Variants in NRG1 observed in about 807,000 individuals in gnomAD.
NRG1 encodes pro-neuregulin-1, membrane-bound isoform.
A neutral mutation model predicts 63.8 loss-of-function variants in NRG1; 18 were observed. The ratio of observed to expected loss-of-function variants is 0.28; its 90% confidence interval spans 0.19 to 0.42. The LOEUF (loss-of-function observed/expected upper bound fraction) is 0.42, where lower values mean the gene tolerates loss of function less well. Among genes scored for constraint, NRG1 ranks in the 10% least tolerant of loss-of-function variants. The probability of loss-of-function intolerance (pLI) is 1.00; values close to 1 mark genes in which losing one functional copy is unlikely to be tolerated. For missense variants in NRG1, 762 were observed against 814.7 expected (o/e 0.94, Z 0.79); for synonymous variants, 302 against 301.3 (o/e 1.00, Z -0.02).
chr8:32,276,562 A>G (rs141588244), intron 1 of NRG1, among the ~76,000 whole-genome samples: 3 of 152,084 alleles, frequency 2.0e-5, no homozygotes, highest in Admixed American at 6.6e-5. Flanking sequence ...CTGGAGTGCA[A>G]TGTCACAATC....
At chr8:32,146,728 T>C (rs550204572) in intron 1 of NRG1, among the ~76,000 whole-genome samples, 1 of 151,646 alleles carries the variant, frequency 6.6e-6, no homozygotes, top group South Asian at 2.1e-4. Flanking sequence ...TAATATTTTC[T>C]TTTTTTTTAA....
At chr8:31,811,205 T>A (rs573989938) in intron 1 of NRG1, among the ~76,000 whole-genome samples, 4 of 152,352 alleles carry the variant, frequency 2.6e-5, no homozygotes, top group Admixed American at 2.6e-4. Context: ...GGTTACTGCC[T>A]CTTGGCTGTG....
intron 1 of NRG1, among the ~76,000 whole-genome samples, chr8:32,573,394 T>G (rs1839007539): frequency 6.6e-6 from 1 of 152,208 alleles, no homozygotes; most frequent in Non-Finnish European, 1.5e-5. Flanking sequence ...CAAAAACAGA[T>G]GGTAGGCAGG....
At chr8:32,403,658 A>G (rs1813542524) in intron 1 of NRG1, among the ~76,000 whole-genome samples, 1 of 152,172 alleles carries the variant, frequency 6.6e-6, no homozygotes. Context: ...TGAGATATAG[A>G]TAGTACCCAC....
At chr8:31,853,330 C>T (rs941716061) in intron 1 of NRG1, among the ~76,000 whole-genome samples, 5 of 151,004 alleles carry the variant, frequency 3.3e-5, no homozygotes, top group African/African-American at 1.2e-4. Context: ...CCTTCACATC[C>T]CTTGTAAGTT....
intron 1 of NRG1, among the ~76,000 whole-genome samples, chr8:32,189,042 T>C (rs1842234693): frequency 6.6e-6 from 1 of 152,128 alleles, no homozygotes; most frequent in South Asian, 2.1e-4. Context: ...CTGGATGGCA[T>C]CTTGATATTA....
At chr8:32,090,623 G>A (rs566337927) in intron 1 of NRG1, among the ~76,000 whole-genome samples, 2 of 152,122 alleles carry the variant, frequency 1.3e-5, no homozygotes, top group Non-Finnish European at 2.9e-5. Flanking sequence ...ACCGGTCCAG[G>A]ACAAGAATAT....
At position 31,863,058 on chromosome 8, in the gene NRG1, A is replaced by G. The variant is rs16878371; in HGVS notation, c.37+223627A>G. On this transcript the variant is annotated intron_variant, in intron 1 of 10. Coordinates refer to the NRG1 transcript ENST00000519301. ...GGTAGAGGTTGCAGAGCTTAAACAT[A>G]GGTATCCAGAAATCATTGGCTCTTC... Among the ~76,000 whole-genome samples, 461 of 152,288 alleles carry G rather than the reference A, an allele frequency of 3.0e-3. 5 individuals carry two copies. Among genetic ancestry groups the G allele is most frequent in the African/African-American group, 0.011 (448 of 41,564 alleles).
chr8:32,062,073 G>A (rs995275498), intron 1 of NRG1, among the ~76,000 whole-genome samples: 10 of 151,950 alleles, frequency 6.6e-5, no homozygotes, highest in Non-Finnish European at 1.3e-4. Context: ...GCACTTTCGA[G>A]GCATGTCAGT....
chr8:31,951,137 T>C (rs543955242), intron 1 of NRG1, among the ~76,000 whole-genome samples: 1 of 152,348 alleles, frequency 6.6e-6, no homozygotes, highest in South Asian at 2.1e-4. Flanking sequence ...AAAATAGTTC[T>C]AAAAATAAAA....
At chr8:32,573,112 G>T (rs1447107228) in intron 1 of NRG1, among the ~76,000 whole-genome samples, 2 of 152,120 alleles carry the variant, frequency 1.3e-5, no homozygotes, top group Non-Finnish European at 2.9e-5. Flanking sequence ...ATAACATTCT[G>T]AATATTCTAC....
chr8:32,051,044 T>C (rs1821896740), intron 1 of NRG1, among the ~76,000 whole-genome samples: 1 of 152,134 alleles, frequency 6.6e-6, no homozygotes. Flanking sequence ...AAGTAGAATA[T>C]GGAATCCTTC....
At chr8:31,923,208 C>A (rs184054706) in intron 1 of NRG1, among the ~76,000 whole-genome samples, 1 of 151,990 alleles carries the variant, frequency 6.6e-6, no homozygotes, top group Admixed American at 6.5e-5. Context: ...TTTTTTAAAT[C>A]ACAAGTAAGT....
chr8:31,870,636 A>G (rs1349456160), intron 1 of NRG1, among the ~76,000 whole-genome samples: 1 of 152,202 alleles, frequency 6.6e-6, no homozygotes, highest in East Asian at 1.9e-4. Context: ...CCAATCATAT[A>G]GTTTTGGCCA....
chr8:32,579,426 G>T (rs73591014), intron 1 of NRG1, among the ~76,000 whole-genome samples: 152 of 152,116 alleles, frequency 1.0e-3, no homozygotes, highest in African/African-American at 3.6e-3. Context: ...GAGAAAGAAG[G>T]GTTGTCTGGG....
chr8:32,066,565 G>C (rs1314170571), intron 1 of NRG1, among the ~76,000 whole-genome samples: 1 of 152,088 alleles, frequency 6.6e-6, no homozygotes, highest in Non-Finnish European at 1.5e-5. Flanking sequence ...TTTGGTACCA[G>C]TACCATGCTG....
chr8:32,772,638 G>A (rs1831889841), downstream of NRG1, among the ~76,000 whole-genome samples: 1 of 152,094 alleles, frequency 6.6e-6, no homozygotes, highest in Admixed American at 6.5e-5. Flanking sequence ...AGGAGCCCTT[G>A]TCTTGAAGTG....
intron 1 of NRG1, among the ~76,000 whole-genome samples, chr8:32,246,802 A>G (rs892881479): frequency 1.3e-5 from 2 of 151,926 alleles, no homozygotes; most frequent in African/African-American, 4.8e-5. Context: ...TGGCGGTTAC[A>G]GGGGATGGGG....
chr8:32,454,654 A>G (rs1821384458), intron 1 of NRG1, among the ~76,000 whole-genome samples: 1 of 145,082 alleles, frequency 6.9e-6, no homozygotes, highest in Non-Finnish European at 1.5e-5. Flanking sequence ...TGGCCTCCCA[A>G]CGTGCTGAGA....
Sources: allele counts gnomAD v4.1 joint callset (sites outside exome capture counted in the v4.1 genomes callset), GRCh38; gene constraint gnomAD v4.1.1; transcripts MANE v1.5; gene names NCBI Gene and HGNC (gene_info 2026-07-23, HGNC 2026-07-21).